Variants in CLVS2 observed in about 807,000 individuals in gnomAD.
The protein encoded by CLVS2 is clavesin 2, also known as clavesin-2.
CLVS2 carries 19 observed loss-of-function variants against 29.0 expected under a neutral mutation model. That is an observed-to-expected ratio of 0.66 (90% CI 0.46 to 0.96). The LOEUF (loss-of-function observed/expected upper bound fraction) is 0.96. Ranked by LOEUF, CLVS2 falls within the 40% of genes least tolerant of loss-of-function variation. The pLI, the probability that CLVS2 is intolerant of heterozygous loss-of-function variation, is 0.00. For synonymous variants in CLVS2, 161 were observed against 151.3 expected, an observed-to-expected ratio of 1.06 and a Z score of -0.47; for missense variants, 294 against 404.1, an observed-to-expected ratio of 0.73 and a Z score of 2.34.
At chr6:123,001,844 T>C (rs2114295913) in intron 2 of CLVS2, among the ~76,000 whole-genome samples, 1 of 152,272 alleles carries the variant, frequency 6.6e-6, no homozygotes, top group South Asian at 2.1e-4. Flanking sequence ...CAAGCATGTA[T>C]CTAGGAAGTT....
chr6:123,022,702 A>G (rs1774941376), intron 3 of CLVS2, among the ~76,000 whole-genome samples: 1 of 152,022 alleles, frequency 6.6e-6, no homozygotes, highest in African/African-American at 2.4e-5. Flanking sequence ...ACCAGCCTTG[A>G]ACTAAGACTC....
chr6:123,000,582 T>C (rs1774576483), intron 2 of CLVS2, among the ~76,000 whole-genome samples: 1 of 151,962 alleles, frequency 6.6e-6, no homozygotes, highest in Non-Finnish European at 1.5e-5. Context: ...TACAGAAGTC[T>C]GCCTCTTTCC....
At chr6:123,003,942 G>A (rs1385820778) in intron 2 of CLVS2, among the ~76,000 whole-genome samples, 1 of 152,150 alleles carries the variant, frequency 6.6e-6, no homozygotes, top group Non-Finnish European at 1.5e-5. Flanking sequence ...CAACTGGTAA[G>A]TGAATTAGTC....
In CLVS2 at chr6:122,996,480, G is replaced by C. The variant is rs1293404289; in HGVS notation, c.-826G>C. 2.6e-5 allele frequency: 4 copies of C among 152,878 alleles called. No homozygotes were observed. The highest frequency in any genetic ancestry group is 9.6e-5 in the African/African-American group (4 of 41,472). 9.5% of individuals were successfully genotyped at this position (152,878 alleles called of 1,614,324 possible). ...GAAGGCGAAAATGGCAGGGCCAGGC[G>C]AGAACCTGGGACAGCGGTGGCCCTA... On this transcript the variant is annotated 5_prime_UTR_variant, in exon 1 of 6. Transcript: ENST00000275162.
intron 5 of CLVS2, among the ~76,000 whole-genome samples, chr6:123,061,771 T>C (rs1466396652): frequency 5.9e-5 from 9 of 152,342 alleles, no homozygotes; most frequent in Admixed American, 5.2e-4. Flanking sequence ...TAATGTGTAA[T>C]AGTATATTAG....
chr6:122,998,228 G>A (rs1267851129), intron 2 of CLVS2, 62 bp downstream of exon 2: 13 of 1,512,064 alleles, frequency 8.6e-6, no homozygotes, highest in South Asian at 3.7e-5. Context: ...AATTTACCCC[G>A]AGTAGTGTCA....
chr6:123,069,356 T>A lies in CLVS2; in HGVS notation c.*5595T>A, dbSNP rs776621632. On this transcript the variant is annotated 3_prime_UTR_variant, in exon 6 of 6. Coordinates refer to ENST00000275162, the MANE Select transcript of CLVS2 (RefSeq NM_001010852.4). ...CCCAGGTCAAAATATGATGTGAAAT[T>A]AAAAAAAAAATTCAGCCTGATTTGA... is the stretch of plus-strand genomic sequence containing the variant. The A allele has an allele frequency of 4.0e-5, 6 of 149,872 alleles. No individual in the cohort carries two copies. The highest frequency in any genetic ancestry group is 6.0e-5 in the Non-Finnish European group (4 of 67,208). 9.3% of individuals were successfully genotyped at this position (149,872 alleles called of 1,614,324 possible). A position where few individuals can be genotyped will look rare whatever the true frequency, so the allele number is the denominator to read the frequency against.
rs757457348 is a variant in CLVS2, at chr6:122,998,055, A to AC, written c.281dup (p.Gly95TrpfsTer55). Reference sequence around the variant, plus strand: ...ATGTTCAAAAGCTTTAAGGCCACCGACCCTGGCATCAAGCAGGCACTGAAG... The same window carrying AC: ...ATGTTCAAAAGCTTTAAGGCCACCGACCCCTGGCATCAAGCAGGCACTGAAG... On this transcript the variant is annotated frameshift_variant, in exon 2 of 6. Transcript: ENST00000275162. LOFTEE classifies it high-confidence loss of function. 6.2e-7 allele frequency: 1 copy of AC among 1,614,068 alleles called. No homozygotes were observed. The highest frequency in any genetic ancestry group is 1.1e-5 in the South Asian group (1 of 91,072).
chr6:123,007,321 A>G (rs1774683620), intron 2 of CLVS2, among the ~76,000 whole-genome samples: 1 of 152,180 alleles, frequency 6.6e-6, no homozygotes, highest in African/African-American at 2.4e-5. Flanking sequence ...GAAAAGGGAG[A>G]CTTAGAAAAG....
chr6:123,026,488 C>G (rs1198220366), intron 3 of CLVS2, among the ~76,000 whole-genome samples: 5 of 152,082 alleles, frequency 3.3e-5, no homozygotes. Context: ...TTAATAGAAT[C>G]AGGCAGTTGC....
chr6:123,007,392 A>G (rs1774684783), intron 2 of CLVS2, among the ~76,000 whole-genome samples: 1 of 152,182 alleles, frequency 6.6e-6, no homozygotes, highest in Non-Finnish European at 1.5e-5. Context: ...AAGGATCCCC[A>G]TTTTATTTTG....
intron 5 of CLVS2, among the ~76,000 whole-genome samples, chr6:123,058,625 A>G (rs542968205): frequency 8.6e-5 from 13 of 152,046 alleles, no homozygotes; most frequent in South Asian, 2.1e-4. Flanking sequence ...GAATCAGACC[A>G]TGTCACATCT....
At chr6:123,025,726 A>C (rs1315238788) in intron 3 of CLVS2, among the ~76,000 whole-genome samples, 1 of 152,194 alleles carries the variant, frequency 6.6e-6, no homozygotes, top group African/African-American at 2.4e-5. Flanking sequence ...TCAATGCACA[A>C]GTACAAATAC....
At chr6:123,020,593 T>C (rs1424438637) in intron 3 of CLVS2, among the ~76,000 whole-genome samples, 3 of 152,072 alleles carry the variant, frequency 2.0e-5, no homozygotes, top group Admixed American at 6.6e-5. Context: ...ACTTAGAGAA[T>C]AGAATCACTG....
chr6:122,997,374 C>T lies in CLVS2; in HGVS notation c.-404C>T, dbSNP rs780463766. On this transcript the variant is annotated 5_prime_UTR_variant, in exon 2 of 6. Coordinates refer to ENST00000275162, the MANE Select transcript of CLVS2 (RefSeq NM_001010852.4). The stretch of plus-strand genomic sequence containing the variant: ...ATGTGCGTGGGGGTTGTTTTTGTTA[C>T]ATCTTGGAAGAGAAGAGAAGAGGAC... 8.1e-5 allele frequency: 16 copies of T among 196,422 alleles called. No homozygotes were observed. The highest frequency in any genetic ancestry group is 1.5e-4 in the Non-Finnish European group (13 of 85,620). The allele number at this position is 196,422 out of a possible 1,614,324, so 12.2% of individuals were successfully genotyped here.
rs374225032 is a variant in CLVS2 at position 123,010,976 on chromosome 6, C to T, written c.390-9C>T. ...CAGACCTAATTTAGTACTTTTCTGT[C>T]GCCGATAGGTACACACTGGTGGATA... On this transcript the variant is annotated splice_polypyrimidine_tract_variant and intron_variant, in intron 2 of 5. Coordinates refer to ENST00000275162, the MANE Select transcript of CLVS2 (RefSeq NM_001010852.4). 28 of 1,447,758 alleles carry T rather than the reference C, an allele frequency of 1.9e-5. No individual in the cohort carries two copies. The highest frequency in any genetic ancestry group is 1.8e-4 in the Middle Eastern group (1 of 5,406). 89.7% of individuals were successfully genotyped at this position (1,447,758 alleles called of 1,614,324 possible). A position where few individuals can be genotyped will look rare whatever the true frequency, so the allele number is the denominator to read the frequency against.
intron 5 of CLVS2, among the ~76,000 whole-genome samples, chr6:123,057,879 T>C (rs1017074674): frequency 9.9e-5 from 15 of 152,186 alleles, no homozygotes; most frequent in African/African-American, 3.1e-4. Context: ...AAGGGGTTCA[T>C]GGATGGGCTC....
intron 1 of CLVS2, among the ~76,000 whole-genome samples, 156 bp downstream of exon 1, chr6:122,996,902 C>T (rs1001184942): frequency 6.6e-6 from 1 of 152,158 alleles, no homozygotes; most frequent in South Asian, 2.1e-4. Context: ...CCCCTCCCCC[C>T]TTTTCTCCAA....
At chr6:123,021,315 T>C (rs904715336) in intron 3 of CLVS2, among the ~76,000 whole-genome samples, 2 of 152,080 alleles carry the variant, frequency 1.3e-5, no homozygotes, top group African/African-American at 4.8e-5. Context: ...TGTAGGTAGC[T>C]GAAATCTCTC....
Sources: allele counts gnomAD v4.1 joint callset (sites outside exome capture counted in the v4.1 genomes callset), GRCh38; gene constraint gnomAD v4.1.1; transcripts MANE v1.5; gene names NCBI Gene and HGNC (gene_info 2026-07-23, HGNC 2026-07-21).